DAGLB: variants seen among roughly 807,000 people sequenced by gnomAD.
DAGLB encodes diacylglycerol lipase-beta.
In DAGLB, 66 loss-of-function variants were observed where a neutral mutation model predicts 72.1. The ratio of observed to expected loss-of-function variants is 0.92; its 90% CI spans 0.75 to 1.12. The LOEUF is 1.12. Among genes scored for constraint, DAGLB ranks in the 50% most tolerant of loss-of-function variants. The pLI is 0.00. For missense variants in DAGLB, 1,065 were observed against 884.9 expected, an observed-to-expected ratio of 1.20 and a Z score of -2.58; for synonymous variants, 414 against 359.5, an observed-to-expected ratio of 1.15 and a Z score of -1.71.
chr7:6,418,752 C>G (rs1275045581), intron 9 of DAGLB, among the ~76,000 whole-genome samples: 8 of 152,022 alleles, frequency 5.3e-5, no homozygotes, highest in African/African-American at 1.9e-4. Flanking sequence ...GCAAGCTCCA[C>G]CTCCCGGGTT....
intron 13 of DAGLB, 143 bp from the exon 14 acceptor site, chr7:6,410,523 G>C: frequency 7.7e-7 from 1 of 1,291,842 alleles, no homozygotes; most frequent in Non-Finnish European, 1.0e-6. Flanking sequence ...AAGATGCACC[G>C]GCGAGCTGTG....
intron 6 of DAGLB, among the ~76,000 whole-genome samples, chr7:6,427,620 G>C (rs1202290127): frequency 6.6e-6 from 1 of 152,064 alleles, no homozygotes. Context: ...AAAATCTCAT[G>C]ATCTTTAAAA....
At chr7:6,417,009 G>A (rs1783940231) in intron 9 of DAGLB, 88 bp from the exon 10 acceptor site, 3 of 1,416,796 alleles carry the variant, frequency 2.1e-6, no homozygotes, top group Non-Finnish European at 2.0e-6. Flanking sequence ...GCTGTGCACT[G>A]ATGTGTGAGT....
In DAGLB at chr7:6,432,830, G is replaced by A. The variant is rs778771636; in HGVS notation, c.801+7C>T. ...CAGAACTGGACACTCCATGAAGCCA[G>A]GCTCACCTGGGAGCTCCCTGGGGCA... is the stretch of plus-strand genomic sequence containing the variant. On this transcript the variant is annotated splice_region_variant and intron_variant, in intron 5 of 14. Coordinates refer to ENST00000297056, the MANE Select transcript of DAGLB (RefSeq NM_139179.4). The A allele has an allele frequency of 2.5e-6, 4 of 1,613,150 alleles. No homozygotes were observed. Among genetic ancestry groups the A allele is most frequent in the Admixed American group, 1.7e-5 (1 of 59,944 alleles).
chr7:6,415,937 G>A (rs757924697), intron 11 of DAGLB, among the ~76,000 whole-genome samples: 6 of 151,936 alleles, frequency 3.9e-5, no homozygotes, highest in Admixed American at 2.6e-4. Context: ...TATGCCCCCC[G>A]AGAGGGCGGA....
chr7:6,443,866 A>G (rs1452982455), intron 2 of DAGLB, among the ~76,000 whole-genome samples: 4 of 152,190 alleles, frequency 2.6e-5, no homozygotes, highest in Non-Finnish European at 5.9e-5. Flanking sequence ...CAGTGCTCAC[A>G]TCATCCTATG....
Position 6,423,913 on chromosome 7 carries a change from C to T in DAGLB, c.1140+839G>A, listed in dbSNP as rs1395334478. ...AATGGGGGGACGATGGCAGAGCTGA[C>T]GTGAACAGGGCGCCCCCCGGGAGGA... On this transcript the variant is annotated intron_variant, in intron 8 of 14. Transcript: ENST00000297056. 4.6e-5 allele frequency among the ~76,000 whole-genome samples: 7 copies of T among 152,034 alleles called. No homozygotes were observed. In the South Asian group the frequency reaches 6.2e-4, roughly 14 times the overall value.
At chr7:6,447,409 C>G (rs1038249113) in intron 1 of DAGLB, among the ~76,000 whole-genome samples, 1 of 152,208 alleles carries the variant, frequency 6.6e-6, no homozygotes, top group Non-Finnish European at 1.5e-5. Context: ...GAGGCCAAGG[C>G]TTTTGCCGGC....
chr7:6,434,475 G>T (rs116888761), intron 4 of DAGLB, among the ~76,000 whole-genome samples: 1 of 152,076 alleles, frequency 6.6e-6, no homozygotes, highest in South Asian at 2.1e-4. Flanking sequence ...AGGGTACAGC[G>T]TCCGTTATGT....
chr7:6,427,371 C>A (rs1784346831), intron 6 of DAGLB, among the ~76,000 whole-genome samples: 1 of 152,014 alleles, frequency 6.6e-6, no homozygotes, highest in South Asian at 2.1e-4. Flanking sequence ...GATATCAGGG[C>A]CAGGAGACTG....
intron 9 of DAGLB, among the ~76,000 whole-genome samples, chr7:6,421,214 C>T (rs568104423): frequency 1.3e-5 from 2 of 152,350 alleles, no homozygotes; most frequent in South Asian, 2.1e-4. Flanking sequence ...CCAGTAGCCA[C>T]GCGACTTTGG....
chr7:6,440,728 G>A (rs1456267354), intron 2 of DAGLB, among the ~76,000 whole-genome samples: 1 of 152,004 alleles, frequency 6.6e-6, no homozygotes, highest in Non-Finnish European at 1.5e-5. Context: ...AATTAGACAG[G>A]CATAGTAGTG....
At chr7:6,412,482 T>A in intron 13 of DAGLB, 1 of 256,914 alleles carries the variant, frequency 3.9e-6, no homozygotes, top group Non-Finnish European at 7.5e-6. Context: ...TTTTTTAGAA[T>A]AGAGACAGGG....
In DAGLB at chr7:6,416,634, G is replaced by C; in HGVS notation, c.1420C>G (p.Leu474Val). 1.2e-6 allele frequency: 2 copies of C among 1,607,878 alleles called. No individual in the cohort carries two copies. The highest frequency in any genetic ancestry group is 1.7e-6 in the Non-Finnish European group (2 of 1,176,574). Residue 474 changes from leucine (L) to valine (V), a missense_variant, in exon 11 of 15, where the codon CTG becomes GTG. By Grantham distance (32) the Leu-to-Val change is conservative. Transcript: ENST00000297056. ...AGGAAAACAAAGGCTCACCTCCACA[G>C]CCCCCGGGGTGGGGAGAAGGCGTAG... is the stretch of plus-strand genomic sequence containing the variant. ...RCYAFSPPRG[L>V]WSKALQEYSQ...
In DAGLB at chr7:6,412,827, T is replaced by C. The variant is rs747492916; in HGVS notation, c.1553A>G (p.His518Arg). The C allele has an allele frequency of 1.3e-6, 2 of 1,591,508 alleles. No individual in the cohort carries two copies. Among genetic ancestry groups the C allele is most frequent in the African/African-American group, 1.3e-5 (1 of 74,664 alleles). Reference protein sequence around the residue: ...LKRRILRVVAHCNKPKYKILL... With the variant: ...LKRRILRVVARCNKPKYKILL... ...CCCGCTTACCTTGGGTTTATTGCAG[T>C]GCGCGACCACTCGCAAGATTCTTCT... The change falls in exon 13 of 15, where the codon CAC becomes CGC. Residue 518 changes from histidine to arginine, a missense_variant. By Grantham distance (29) the His-to-Arg change is conservative (BLOSUM62 0). Transcript: ENST00000297056.
intron 13 of DAGLB, 136 bp from the exon 14 acceptor site, chr7:6,410,516 A>G (rs1335358130): frequency 2.2e-6 from 3 of 1,333,896 alleles, no homozygotes; most frequent in Non-Finnish European, 3.0e-6. Flanking sequence ...TCCAGCAAAG[A>G]TGCACCGGCG....
intron 1 of DAGLB, 123 bp from the exon 2 acceptor site, chr7:6,446,227 G>A (rs1784995627): frequency 1.1e-6 from 1 of 945,558 alleles, no homozygotes; most frequent in African/African-American, 1.7e-5. Context: ...ACAGCACTTT[G>A]GGAGGGTGAG....
chr7:6,428,332 A>AAAG lies in DAGLB; in HGVS notation c.929+2147_929+2148insCTT, dbSNP rs1554267344. Among the ~76,000 whole-genome samples the AAAG allele has an allele frequency of 6.3e-4, 95 of 150,298 alleles. 3 individuals carry two copies. Among genetic ancestry groups the AAAG allele is most frequent in the Non-Finnish European group, 5.9e-5 (4 of 67,612 alleles). On this transcript the variant is annotated intron_variant, in intron 6 of 14. Transcript: ENST00000297056. ...CTCTGTCTCAAAAAAAAAAAAAAAA[A>AAAG]AAAGAAAGAAAGAAAGAAAAAGAAA...
intron 5 of DAGLB, among the ~76,000 whole-genome samples, chr7:6,431,112 G>C (rs1784475209): frequency 6.6e-6 from 1 of 151,750 alleles, no homozygotes; most frequent in South Asian, 2.1e-4. Flanking sequence ...CAAGCACGGG[G>C]AAGTTAACAG....
Sources: allele counts gnomAD v4.1 joint callset (sites outside exome capture counted in the v4.1 genomes callset), GRCh38; gene constraint gnomAD v4.1.1; transcripts MANE v1.5; gene names NCBI Gene and HGNC (gene_info 2026-07-23, HGNC 2026-07-21).